The following RTN1 variants were observed in gnomAD, a reference collection of about 807,000 sequenced individuals.
RTN1 encodes the protein reticulon-1.
In RTN1, 25 loss-of-function variants were observed where a neutral mutation model predicts 65.5. The observed-to-expected ratio is 0.38, with a 90% CI of 0.28 to 0.53. The LOEUF (loss-of-function observed/expected upper bound fraction) is 0.53. Among genes scored for constraint, RTN1 ranks in the 20% least tolerant of loss-of-function variants. The pLI is 0.79. For missense variants in RTN1, 983 were observed against 1,025.4 expected (o/e 0.96, Z 0.57); for synonymous variants, 471 against 447.6 (o/e 1.05, Z -0.66).
At chr14:59,791,218 T>C (rs976208172) in intron 1 of RTN1, among the ~76,000 whole-genome samples, 3 of 152,182 alleles carry the variant, frequency 2.0e-5, no homozygotes, top group Non-Finnish European at 4.4e-5. Flanking sequence ...CTCTTTATCC[T>C]AGTTTCCGTG....
intron 3 of RTN1, among the ~76,000 whole-genome samples, chr14:59,697,715 TAATA>T: frequency 6.6e-6 from 1 of 152,302 alleles, no homozygotes; most frequent in East Asian, 1.9e-4. Context: ...CCTAGCACAT[TAATA>T]AATAAAGACT....
At chr14:59,696,744 A>T (rs1053362258) in intron 3 of RTN1, among the ~76,000 whole-genome samples, 20 of 152,180 alleles carry the variant, frequency 1.3e-4, no homozygotes, top group African/African-American at 4.8e-4. Flanking sequence ...CCTGGACAGA[A>T]GTTATGCTTC....
intron 1 of RTN1, among the ~76,000 whole-genome samples, chr14:59,765,147 GA>G (rs1885826723): frequency 6.6e-6 from 1 of 152,124 alleles, no homozygotes; most frequent in East Asian, 1.9e-4. Flanking sequence ...AACAAAGAAG[GA>G]GTAGGATTCA....
Position 59,596,541 on chromosome 14 carries a change from T to C in RTN1, c.*204A>G. 2.2e-6 allele frequency: 1 copy of C among 459,888 alleles called. No homozygotes were observed. Among genetic ancestry groups the C allele is most frequent in the South Asian group, 3.9e-5 (1 of 25,940 alleles). The allele number at this position is 459,888 out of a possible 1,614,324, so 28.5% of individuals were successfully genotyped here. ...AAACCACATCTAATACACTTTTCTCTATACTTTAGTGGTTGACACAAGTGA... is the reference window on the plus strand; with the variant it reads ...AAACCACATCTAATACACTTTTCTCCATACTTTAGTGGTTGACACAAGTGA... On this transcript the variant is annotated 3_prime_UTR_variant, in exon 9 of 9. Transcript: ENST00000267484.
In RTN1 at chr14:59,838,782, T is replaced by C. The variant is rs1464013649; in HGVS notation, c.241+31608A>G. ...CATAAGAGTTAATACTACGTGAAAA[T>C]TGAGAGGGCACAAAAAACCATATGT... On this transcript the variant is annotated intron_variant, in intron 1 of 8. Coordinates refer to ENST00000267484, the MANE Select transcript of RTN1 (RefSeq NM_021136.3). Among the ~76,000 whole-genome samples, 3 of 152,044 alleles carry C rather than the reference T, an allele frequency of 2.0e-5. No individual in the cohort carries two copies. The East Asian group carries it at 5.8e-4, about 29-fold the overall frequency.
intron 3 of RTN1, among the ~76,000 whole-genome samples, chr14:59,645,447 A>G (rs1463024550): frequency 2.0e-5 from 3 of 151,820 alleles, no homozygotes; most frequent in African/African-American, 7.3e-5. Flanking sequence ...CATGTTTTCT[A>G]TATGTTTGTT....
chr14:59,678,212 G>A (rs780498982), intron 3 of RTN1, among the ~76,000 whole-genome samples: 15 of 152,120 alleles, frequency 9.9e-5, no homozygotes, highest in Non-Finnish European at 2.1e-4. Context: ...GTGGTGGTAG[G>A]GGTGCGTGGG....
At chr14:59,808,800 G>A (rs1886680149) in intron 1 of RTN1, among the ~76,000 whole-genome samples, 1 of 152,024 alleles carries the variant, frequency 6.6e-6, no homozygotes, top group South Asian at 2.1e-4. Context: ...ATTTAAAAGT[G>A]TGTGGCACCT....
chr14:59,810,940 C>T (rs1034894695), intron 1 of RTN1, among the ~76,000 whole-genome samples: 12 of 152,168 alleles, frequency 7.9e-5, no homozygotes, highest in African/African-American at 2.9e-4. Context: ...TGGATTGTAG[C>T]TGCAGCCCAG....
chr14:59,661,499 T>C lies in RTN1; in HGVS notation c.1766-54007A>G, dbSNP rs1404715981. On this transcript the variant is annotated intron_variant, in intron 3 of 8. Coordinates refer to ENST00000267484, the MANE Select transcript of RTN1 (RefSeq NM_021136.3). ...CTGATGAACATCAATGCAAAAATCC[T>C]CAATAAAATACTGGCAAACCAAATC... Among the ~76,000 whole-genome samples the C allele has an allele frequency of 2.0e-5, 3 of 152,090 alleles. No homozygotes were observed. The East Asian group carries it at 5.8e-4, about 29-fold the overall frequency.
intron 1 of RTN1, among the ~76,000 whole-genome samples, chr14:59,750,448 CTATAATATA>C (rs1363503977): frequency 5.9e-5 from 3 of 51,226 alleles, no homozygotes; most frequent in Non-Finnish European, 9.8e-5. Flanking sequence ...TATAATATAT[CTATAATATA>C]TATATCTATA....
chr14:59,603,710 G>A, intron 6 of RTN1, 142 bp downstream of exon 6: 1 of 519,070 alleles, frequency 1.9e-6, no homozygotes, highest in South Asian at 2.8e-5. Flanking sequence ...AACTATGATG[G>A]TAAGAGAAGT....
chr14:59,675,447 G>T (rs943026058), intron 3 of RTN1, among the ~76,000 whole-genome samples: 1 of 146,670 alleles, frequency 6.8e-6, no homozygotes, highest in Non-Finnish European at 1.5e-5. Context: ...TAGGACTTGG[G>T]GGGGGGGCGC....
At chr14:59,758,117 T>C (rs927452770) in intron 1 of RTN1, among the ~76,000 whole-genome samples, 5 of 152,188 alleles carry the variant, frequency 3.3e-5, no homozygotes, top group Non-Finnish European at 5.9e-5. Flanking sequence ...CAAAATGTCA[T>C]ATATTTGGAA....
chr14:59,853,527 A>G (rs1213190356), intron 1 of RTN1, among the ~76,000 whole-genome samples: 1 of 152,120 alleles, frequency 6.6e-6, no homozygotes, highest in African/African-American at 2.4e-5. Flanking sequence ...CAGAGTCAAG[A>G]TTTCTACTAT....
At chr14:59,724,182 A>C (rs1322407972) in intron 3 of RTN1, among the ~76,000 whole-genome samples, 1 of 152,196 alleles carries the variant, frequency 6.6e-6, no homozygotes, top group Non-Finnish European at 1.5e-5. Context: ...GGAAAACTGA[A>C]GCATGAAGAA....
intron 1 of RTN1, among the ~76,000 whole-genome samples, chr14:59,801,829 A>C (rs1395593634): frequency 1.3e-5 from 2 of 152,228 alleles, no homozygotes; most frequent in Non-Finnish European, 2.9e-5. Context: ...CTTAGAGAAA[A>C]TTCCACAATT....
chr14:59,635,033 C>T (rs1013924421), intron 3 of RTN1, among the ~76,000 whole-genome samples: 1 of 152,084 alleles, frequency 6.6e-6, no homozygotes, highest in Non-Finnish European at 1.5e-5. Context: ...TGCAGTTTTC[C>T]AGAAATGATA....
Position 59,727,699 on chromosome 14 carries a change from G to A in RTN1, c.1016-31C>T, listed in dbSNP as rs1464288707. On this transcript the variant is annotated intron_variant, in intron 2 of 8. Transcript: ENST00000267484. This position sits in a 1 kb window ranked among gnomAD's most constrained non-coding sequence, Gnocchi z 4.2. ...GTCCCACAGAGCGAAGGAGAGCCAC[G>A]GAGGCACACACACGGACAGACAGAT... 3.2e-6 allele frequency: 5 copies of A among 1,557,680 alleles called. No homozygotes were observed. The highest frequency in any genetic ancestry group is 1.7e-4 in the Middle Eastern group (1 of 5,750).
Sources: allele counts gnomAD v4.1 joint callset (sites outside exome capture counted in the v4.1 genomes callset), GRCh38; gene constraint gnomAD v4.1.1; non-coding constraint Gnocchi (gnomAD v3.1); transcripts MANE v1.5; gene names NCBI Gene and HGNC (gene_info 2026-07-23, HGNC 2026-07-21).